Variants in GNG7 observed in about 807,000 individuals in gnomAD.
GNG7 encodes the protein guanine nucleotide-binding protein G(I)/G(S)/G(O) subunit gamma-7.
In GNG7, 1 loss-of-function variant was observed where a neutral mutation model predicts 4.0. That is an observed-to-expected ratio of 0.25 (90% confidence interval 0.09 to 1.18). GNG7 has a LOEUF of 1.18. Ranked by LOEUF, GNG7 falls within the 50% of genes most tolerant of loss-of-function variation. The probability of loss-of-function intolerance (pLI) is 0.50; values close to 1 mark genes in which losing one functional copy is unlikely to be tolerated. For missense variants in GNG7, 86 were observed against 91.9 expected (o/e 0.94, Z 0.26); for synonymous variants, 34 against 36.9 (o/e 0.92, Z 0.29).
intron 2 of GNG7, among the ~76,000 whole-genome samples, chr19:2,561,579 T>C (rs1432296325): frequency 1.3e-5 from 2 of 151,970 alleles, no homozygotes; most frequent in African/African-American, 2.4e-5. Context: ...CTCAGAAAGA[T>C]AGAAATGACA....
intron 3 of GNG7, among the ~76,000 whole-genome samples, chr19:2,531,406 T>C (rs1599375893): frequency 6.6e-6 from 1 of 151,466 alleles, no homozygotes; most frequent in Non-Finnish European, 1.5e-5. Context: ...ATCCCTAATA[T>C]TGGATTAAGG....
At chr19:2,580,889 C>A (rs546597238) in intron 2 of GNG7, among the ~76,000 whole-genome samples, 1 of 152,036 alleles carries the variant, frequency 6.6e-6, no homozygotes, top group Non-Finnish European at 1.5e-5. Flanking sequence ...CTCAGCCTCC[C>A]GAGTAGCTGG....
chr19:2,583,342 A>G (rs573351579), intron 2 of GNG7, among the ~76,000 whole-genome samples: 24 of 152,324 alleles, frequency 1.6e-4, no homozygotes, highest in Non-Finnish European at 2.6e-4. Flanking sequence ...TACTATTTTG[A>G]TGATTAAAAA....
chr19:2,649,277 C>A (rs911139927), intron 1 of GNG7, among the ~76,000 whole-genome samples: 1 of 151,778 alleles, frequency 6.6e-6, no homozygotes, highest in Non-Finnish European at 1.5e-5. Flanking sequence ...TGGTCTGGTG[C>A]GCCCTTCAAC....
intron 2 of GNG7, among the ~76,000 whole-genome samples, chr19:2,562,715 A>C (rs1227480941): frequency 6.6e-6 from 1 of 152,012 alleles, no homozygotes; most frequent in Non-Finnish European, 1.5e-5. Context: ...CCCAGCGTAC[A>C]CTGGAATCTT....
At chr19:2,637,113 G>A (rs188383145) in intron 2 of GNG7, among the ~76,000 whole-genome samples, 2 of 150,380 alleles carry the variant, frequency 1.3e-5, no homozygotes, top group East Asian at 2.0e-4. Flanking sequence ...CTCCAGGCCC[G>A]GGGCCAGGAA....
At chr19:2,668,647 C>G (rs1983373497) in intron 1 of GNG7, among the ~76,000 whole-genome samples, 3 of 152,162 alleles carry the variant, frequency 2.0e-5, no homozygotes, top group Admixed American at 2.0e-4. Flanking sequence ...GCAGCCGCTC[C>G]TGGGCTGGAG....
chr19:2,532,461 GAAGA>G (rs1978625931), intron 3 of GNG7, among the ~76,000 whole-genome samples: 1 of 152,156 alleles, frequency 6.6e-6, no homozygotes, highest in Non-Finnish European at 1.5e-5. Context: ...AGAAACTACA[GAAGA>G]AAGAGCAAAA....
rs113810553 is a variant in GNG7 at position 2,521,774 on chromosome 19, C to T, written c.-37-1049G>A. 6.6e-3 allele frequency among the ~76,000 whole-genome samples: 998 copies of T among 151,954 alleles called. 11 individuals carry two copies. The highest frequency in any genetic ancestry group is 0.023 in the African/African-American group (955 of 41,426). ...GATTACAGGCACGTGCCACCACACC[C>T]GGCTAATTTTTGTATTTTTAGTACA... On this transcript the variant is annotated intron_variant, in intron 3 of 4. Coordinates refer to ENST00000382159, the MANE Select transcript of GNG7 (RefSeq NM_052847.3).
At chr19:2,518,106 C>A (rs1045548330) in intron 4 of GNG7, among the ~76,000 whole-genome samples, 2 of 152,176 alleles carry the variant, frequency 1.3e-5, no homozygotes, top group Admixed American at 1.3e-4. Flanking sequence ...CTTGGCACCA[C>A]CCCCCATGCC....
chr19:2,622,981 G>A (rs1981923932), intron 2 of GNG7, among the ~76,000 whole-genome samples: 1 of 152,204 alleles, frequency 6.6e-6, no homozygotes, highest in Admixed American at 6.5e-5. Context: ...GGGGTGTGTG[G>A]CCAAGTGAGG....
At chr19:2,628,361 A>G (rs946743873) in intron 2 of GNG7, among the ~76,000 whole-genome samples, 14 of 152,016 alleles carry the variant, frequency 9.2e-5, no homozygotes, top group Non-Finnish European at 1.8e-4. Context: ...CTGTTTACCT[A>G]CTGGCTGTTG....
In GNG7 at chr19:2,654,419, C is replaced by T. The variant is rs376124712; in HGVS notation, c.-134-8139G>A. 2.2e-4 allele frequency among the ~76,000 whole-genome samples: 33 copies of T among 150,384 alleles called. 1 individual carries two copies. In the East Asian group the frequency reaches 4.7e-3, roughly 21 times the overall value. ...GGCACTGCAGGGAGCTGAACAGCAT[C>T]CCTGGCCTCCACCCACTCTATGCCA... On this transcript the variant is annotated intron_variant, in intron 1 of 4. Coordinates refer to ENST00000382159, the MANE Select transcript of GNG7 (RefSeq NM_052847.3).
At chr19:2,608,919 G>A (rs942995610) in intron 2 of GNG7, among the ~76,000 whole-genome samples, 5 of 152,210 alleles carry the variant, frequency 3.3e-5, no homozygotes, top group African/African-American at 9.6e-5. Flanking sequence ...TTTGCATAAT[G>A]TAAAATTAAG....
chr19:2,602,733 A>T (rs1981239512), intron 2 of GNG7, among the ~76,000 whole-genome samples: 1 of 152,174 alleles, frequency 6.6e-6, no homozygotes, highest in Non-Finnish European at 1.5e-5. Flanking sequence ...GGCTGGGCAG[A>T]GGGCCACCCG....
chr19:2,618,407 G>A lies in GNG7; in HGVS notation c.-78+27817C>T, dbSNP rs913462650. On this transcript the variant is annotated intron_variant, in intron 2 of 4. Transcript: ENST00000382159. This position sits in a 1 kb window ranked among gnomAD's most constrained non-coding sequence, Gnocchi z 5.1. ...TCTGTTGCCCAGGCTGGAGTGCAGTGGTGCAACCTCAGCTCACTGCAACCT... is the reference window on the plus strand; with the variant it reads ...TCTGTTGCCCAGGCTGGAGTGCAGTAGTGCAACCTCAGCTCACTGCAACCT... Among the ~76,000 whole-genome samples, 5 of 151,622 alleles carry A rather than the reference G, an allele frequency of 3.3e-5. No individual in the cohort carries two copies. Among genetic ancestry groups the A allele is most frequent in the African/African-American group, 9.7e-5 (4 of 41,166 alleles).
chr19:2,586,209 G>A (rs1017183367), intron 2 of GNG7, among the ~76,000 whole-genome samples: 14 of 151,868 alleles, frequency 9.2e-5, no homozygotes, highest in Admixed American at 7.2e-4. Context: ...GGGTGAGATC[G>A]GGGAGGATCA....
rs1599377298 is a variant in GNG7, at chr19:2,534,605, G to C, written c.-37-13880C>G. On this transcript the variant is annotated intron_variant, in intron 3 of 4. Coordinates refer to ENST00000382159, the MANE Select transcript of GNG7 (RefSeq NM_052847.3). ...AAATCCTGGAGGGGGCCATGAGGGA[G>C]ATGGCTGTCCCTGGGAAACTAAGAC... is the stretch of plus-strand genomic sequence containing the variant. Among the ~76,000 whole-genome samples, 3 of 152,228 alleles carry C rather than the reference G, an allele frequency of 2.0e-5. No individual in the cohort carries two copies. In the East Asian group the frequency reaches 5.8e-4, roughly 29 times the overall value.
At chr19:2,520,897 A>G (rs997741596) in intron 3 of GNG7, among the ~76,000 whole-genome samples, 172 bp from the exon 4 acceptor site, 4 of 152,284 alleles carry the variant, frequency 2.6e-5, no homozygotes, top group African/African-American at 4.8e-5. Flanking sequence ...AACTCTCAGC[A>G]TAGAGCCTGG....
Sources: gnomAD v4.1 joint callset for allele counts (sites outside exome capture counted in the v4.1 genomes callset) on GRCh38, gnomAD v4.1.1 for gene constraint, Gnocchi (gnomAD v3.1) non-coding constraint, MANE v1.5 for transcripts, NCBI Gene and HGNC (gene_info 2026-07-23, HGNC 2026-07-21) for gene names.